Variants in DCAF1 observed in about 807,000 individuals in gnomAD.
DCAF1 encodes the protein DDB1- and CUL4-associated factor 1.
In DCAF1, 15 loss-of-function variants were observed where a neutral mutation model predicts 128.0. The ratio of observed to expected loss-of-function variants is 0.12; its 90% CI spans 0.08 to 0.18. The LOEUF (loss-of-function observed/expected upper bound fraction) is 0.18. Ranked by LOEUF, DCAF1 falls within the 10% of genes least tolerant of loss-of-function variation. The pLI, the probability that DCAF1 is intolerant of heterozygous loss-of-function variation, is 1.00. For missense variants in DCAF1, 988 were observed against 1,649.5 expected (o/e 0.60, Z 6.95); for synonymous variants, 610 against 603.0 (o/e 1.01, Z -0.17).
chr3:51,471,592 G>C (rs535957928), intron 3 of DCAF1, among the ~76,000 whole-genome samples: 7 of 152,130 alleles, frequency 4.6e-5, no homozygotes, highest in South Asian at 4.2e-4. Flanking sequence ...TTCTTGCTGG[G>C]CATGATGGCT....
Position 51,413,939 on chromosome 3 carries a change from A to C in DCAF1, c.3931+11T>G. On this transcript the variant is annotated intron_variant, in intron 20 of 24. Transcript: ENST00000684031. ...AAAGGAAAGAGAATAATGAAGGATAAGGTTTATTACCTCCATACATCACTG... is the reference window on the plus strand; with the variant it reads ...AAAGGAAAGAGAATAATGAAGGATACGGTTTATTACCTCCATACATCACTG... The C allele has an allele frequency of 6.6e-7, 1 of 1,515,868 alleles. No homozygotes were observed. The highest frequency in any genetic ancestry group is 8.9e-7 in the Non-Finnish European group (1 of 1,129,688). The allele number at this position is 1,515,868 out of a possible 1,614,324, so 93.9% of individuals were successfully genotyped here.
intron 10 of DCAF1, among the ~76,000 whole-genome samples, chr3:51,432,267 T>TTA: frequency 1.0e-5 from 1 of 99,016 alleles, no homozygotes; most frequent in South Asian, 3.9e-4. Context: ...CAAGATTCTG[T>TTA]AAAAAAAAAA....
intron 3 of DCAF1, among the ~76,000 whole-genome samples, chr3:51,477,550 C>A (rs1553651074): frequency 6.6e-6 from 1 of 151,696 alleles, no homozygotes; most frequent in African/African-American, 2.4e-5. Context: ...TCACTTGAGT[C>A]CAGGAGGTTG....
At chr3:51,412,510 C>G (rs1553628791) in intron 22 of DCAF1, 30 bp from the exon 23 acceptor site, 1 of 1,613,090 alleles carries the variant, frequency 6.2e-7, no homozygotes, top group South Asian at 1.1e-5. Context: ...CCATAAGGAG[C>G]AGTTACTTTT....
intron 2 of DCAF1, among the ~76,000 whole-genome samples, chr3:51,486,437 TCCTG>T (rs1706967095): frequency 6.6e-6 from 1 of 150,606 alleles, no homozygotes; most frequent in Admixed American, 6.7e-5. Context: ...CAGGTGATCC[TCCTG>T]CCTTAGCCCC....
At chr3:51,485,823 A>G (rs1268106700) in intron 2 of DCAF1, among the ~76,000 whole-genome samples, 2 of 152,204 alleles carry the variant, frequency 1.3e-5, no homozygotes, top group Non-Finnish European at 2.9e-5. Flanking sequence ...TGGATTACAC[A>G]TAACTCCAAA....
chr3:51,478,272 T>G (rs1559561185), intron 3 of DCAF1, among the ~76,000 whole-genome samples: 1 of 152,158 alleles, frequency 6.6e-6, no homozygotes, highest in Non-Finnish European at 1.5e-5. Flanking sequence ...CCCAAACTGC[T>G]AGGATTACAA....
Position 51,437,423 on chromosome 3 carries a change from T to G in DCAF1, c.1128+3547A>C, listed in dbSNP as rs371663124. ...TCCATGATGACTAAGCTGATCTGAATGGAGCAATGTAGTTGAATGAATAAC... is the reference window on the plus strand; with the variant it reads ...TCCATGATGACTAAGCTGATCTGAAGGGAGCAATGTAGTTGAATGAATAAC... On this transcript the variant is annotated intron_variant, in intron 9 of 24. Transcript: ENST00000684031. 426 of 510,422 alleles carry G rather than the reference T, an allele frequency of 8.3e-4. 6 individuals are homozygous for G. The highest frequency in any genetic ancestry group is 6.1e-3 in the South Asian group (422 of 69,152). 31.6% of individuals were successfully genotyped at this position (510,422 alleles called of 1,614,324 possible).
Position 51,441,783 on chromosome 3 carries a change from C to T in DCAF1, c.628G>A (p.Asp210Asn). 1 of 1,613,954 alleles carries T rather than the reference C, an allele frequency of 6.2e-7. No homozygotes were observed. Among genetic ancestry groups the T allele is most frequent in the Non-Finnish European group, 8.5e-7 (1 of 1,179,886 alleles). The change falls in exon 8 of 25, where the codon GAT (aspartate) becomes AAT (asparagine). Residue 210 changes from aspartate (D) to asparagine (N), a missense_variant. By Grantham distance (23) the Asp-to-Asn change is conservative (BLOSUM62 1). Transcript: ENST00000684031. ...TAGTCCATATCCACAGCCTCCTCAT[C>T]CAGAGGCAAAAGGGGTTCAGAAGAG... is the stretch of plus-strand genomic sequence containing the variant. ...KLSSEPLLPL[D>N]EEAVDMDYGD...
chr3:51,465,701 C>T (rs1553646190), intron 5 of DCAF1, among the ~76,000 whole-genome samples: 1 of 151,866 alleles, frequency 6.6e-6, no homozygotes. Flanking sequence ...GCCGAGATCA[C>T]ACCACTGCAC....
downstream of DCAF1, chr3:51,396,295 C>A: frequency 5.2e-6 from 1 of 190,640 alleles, no homozygotes; most frequent in Non-Finnish European, 1.2e-5. Flanking sequence ...AAAGGTGTCC[C>A]ATGGCCCCAA....
At chr3:51,428,630 G>A (rs540545065) in intron 12 of DCAF1, among the ~76,000 whole-genome samples, 167 of 152,272 alleles carry the variant, frequency 1.1e-3, no homozygotes, top group African/African-American at 4.0e-3. Flanking sequence ...TGATAGTGAA[G>A]TGGAGTTATA....
At chr3:51,447,002 A>AATAATAATAAT (rs1701937461) in intron 6 of DCAF1, among the ~76,000 whole-genome samples, 2 of 49,060 alleles carry the variant, frequency 4.1e-5, no homozygotes, top group East Asian at 8.2e-4. Context: ...ATAATAATAA[A>AATAATAATAAT]ATGTTTTAAA....
chr3:51,418,014 G>A (rs1699054016), intron 17 of DCAF1, 102 bp downstream of exon 17: 3 of 1,428,012 alleles, frequency 2.1e-6, no homozygotes, highest in Non-Finnish European at 2.8e-6. Context: ...ATAACCGACA[G>A]CATCCTCTTT....
intron 7 of DCAF1, among the ~76,000 whole-genome samples, chr3:51,442,771 G>A (rs1339682644): frequency 6.6e-6 from 1 of 152,120 alleles, no homozygotes; most frequent in Non-Finnish European, 1.5e-5. Context: ...AATCAGAATA[G>A]TGGATAGATA....
rs148009566 is a variant in DCAF1, at chr3:51,430,896, A to G, written c.1288-684T>C. The stretch of plus-strand genomic sequence containing the variant: ...AGAAAAGACACCAAATAAGAATATT[A>G]GAAAAATGTCCCAGAAATAGAAGTA... On this transcript the variant is annotated intron_variant, in intron 10 of 24. Transcript: ENST00000684031. Among the ~76,000 whole-genome samples the G allele has an allele frequency of 2.6e-3, 402 of 152,356 alleles. 3 individuals carry two copies. The highest frequency in any genetic ancestry group is 9.3e-3 in the African/African-American group (386 of 41,590).
intron 22 of DCAF1, among the ~76,000 whole-genome samples, chr3:51,412,761 C>G (rs1166011973): frequency 1.3e-5 from 2 of 151,954 alleles, no homozygotes; most frequent in Non-Finnish European, 2.9e-5. Flanking sequence ...CAGTGTGAGT[C>G]CAGAAAAAAA....
chr3:51,484,752 G>T (rs1553654522), intron 2 of DCAF1, among the ~76,000 whole-genome samples: 2 of 141,876 alleles, frequency 1.4e-5, no homozygotes, highest in Middle Eastern at 3.9e-3. Flanking sequence ...GCACAATCTC[G>T]GCTCACTGAA....
chr3:51,498,950 TA>T (rs1193853812), intron 1 of DCAF1, among the ~76,000 whole-genome samples: 2 of 152,052 alleles, frequency 1.3e-5, no homozygotes, highest in Non-Finnish European at 2.9e-5. Flanking sequence ...GCTACTAATA[TA>T]AAAAATTAAG....
Sources: allele counts gnomAD v4.1 joint callset (sites outside exome capture counted in the v4.1 genomes callset), GRCh38; gene constraint gnomAD v4.1.1; transcripts MANE v1.5; gene names NCBI Gene and HGNC (gene_info 2026-07-23, HGNC 2026-07-21).